The following STMND1 variants were observed in gnomAD, a reference collection of about 807,000 sequenced individuals.
The protein encoded by STMND1 is stathmin domain containing 1, also known as stathmin domain-containing protein 1.
A neutral mutation model predicts 23.0 loss-of-function variants in STMND1; 17 were observed. The ratio of observed to expected loss-of-function variants is 0.74; its 90% CI spans 0.51 to 1.11. The LOEUF (loss-of-function observed/expected upper bound fraction) is 1.11. Ranked by LOEUF, STMND1 falls within the 50% of genes least tolerant of loss-of-function variation. STMND1 has a pLI of 0.00. For missense variants in STMND1, 305 were observed against 329.1 expected, an observed-to-expected ratio of 0.93 and a Z score of 0.57; for synonymous variants, 114 against 119.9, an observed-to-expected ratio of 0.95 and a Z score of 0.32.
At position 17,113,745 on chromosome 6, in the gene STMND1, G is replaced by C. The variant is rs1291660770; in HGVS notation, c.82-1217G>C. On this transcript the variant is annotated intron_variant, in intron 1 of 4. Coordinates refer to ENST00000536551, the MANE Select transcript of STMND1 (RefSeq NM_001190766.2). The stretch of plus-strand genomic sequence containing the variant: ...AGCCTCCCAAAGTTCTGGGGTTACA[G>C]GCATGAGCCACCACATCCAGCCTGT... Among the ~76,000 whole-genome samples the C allele has an allele frequency of 2.0e-5, 3 of 151,540 alleles. No homozygotes were observed. In the East Asian group the frequency reaches 5.8e-4, roughly 29 times the overall value.
chr6:17,122,089 C>T (rs4712296), intron 3 of STMND1, among the ~76,000 whole-genome samples: 19,463 of 151,874 alleles, frequency 0.13, 1,539 homozygotes, highest in Middle Eastern at 0.27. Flanking sequence ...TGTTGAACTC[C>T]TGACCTCGTA....
chr6:17,105,138 A>G (rs1233422802), intron 1 of STMND1, among the ~76,000 whole-genome samples: 1 of 152,212 alleles, frequency 6.6e-6, no homozygotes, highest in East Asian at 1.9e-4. Flanking sequence ...TTATATGCAA[A>G]TACTACACCA....
intron 3 of STMND1, among the ~76,000 whole-genome samples, chr6:17,123,356 A>T: frequency 6.6e-6 from 1 of 152,154 alleles, no homozygotes; most frequent in East Asian, 1.9e-4. Flanking sequence ...CAGGAATAGC[A>T]CAATTTTGTT....
chr6:17,123,046 T>A (rs1362500812), intron 3 of STMND1, among the ~76,000 whole-genome samples: 1 of 152,174 alleles, frequency 6.6e-6, no homozygotes, highest in African/African-American at 2.4e-5. Context: ...TTAAGGGAAA[T>A]GCTATAGACA....
intron 1 of STMND1, chr6:17,110,593 C>T: frequency 6.4e-6 from 2 of 310,888 alleles, no homozygotes. Flanking sequence ...CATGGTGAAA[C>T]CCCGTCTCTA....
intron 3 of STMND1, among the ~76,000 whole-genome samples, chr6:17,124,254 A>G (rs1263404237): frequency 1.3e-5 from 2 of 152,250 alleles, no homozygotes; most frequent in African/African-American, 4.8e-5. Context: ...GAAAAATAGA[A>G]TAAATGTGAA....
chr6:17,113,846 C>A (rs762341297), intron 1 of STMND1, among the ~76,000 whole-genome samples: 1 of 152,152 alleles, frequency 6.6e-6, no homozygotes, highest in Non-Finnish European at 1.5e-5. Context: ...CCTCTACTCT[C>A]ACACTCAGTG....
intron 1 of STMND1, among the ~76,000 whole-genome samples, chr6:17,108,226 A>G (rs1347398007): frequency 1.3e-5 from 2 of 152,334 alleles, no homozygotes; most frequent in Non-Finnish European, 1.5e-5. Context: ...TAGCTTTGAT[A>G]ACTCAATTGT....
At chr6:17,102,632 G>A (rs532521318) in intron 1 of STMND1, among the ~76,000 whole-genome samples, 1 of 152,294 alleles carries the variant, frequency 6.6e-6, no homozygotes. Flanking sequence ...AGATTACGAA[G>A]GTGGTCACAC....
chr6:17,122,255 T>C (rs940867649), intron 3 of STMND1, among the ~76,000 whole-genome samples: 2 of 152,012 alleles, frequency 1.3e-5, no homozygotes, highest in Non-Finnish European at 2.9e-5. Context: ...CTTGTTTGTT[T>C]GGGTTTTTTT....
At chr6:17,122,849 C>CT (rs1196501326) in intron 3 of STMND1, among the ~76,000 whole-genome samples, 2 of 151,872 alleles carry the variant, frequency 1.3e-5, no homozygotes, top group African/African-American at 4.8e-5. Context: ...AGTGCCTTAT[C>CT]TTATTTGAAA....
At chr6:17,116,771 C>G (rs1483197710) in intron 2 of STMND1, among the ~76,000 whole-genome samples, 1 of 152,150 alleles carries the variant, frequency 6.6e-6, no homozygotes, top group African/African-American at 2.4e-5. Context: ...AAGTTTCACA[C>G]TAACATTCCC....
At chr6:17,126,062 ATATATATATTTTTTT>A (rs1471565503) in intron 3 of STMND1, among the ~76,000 whole-genome samples, 2 of 24,372 alleles carry the variant, frequency 8.2e-5, no homozygotes, top group African/African-American at 3.5e-4. Context: ...ATATATATAT[ATATATATATTTTTTT>A]TTTTTTTTTT....
intron 1 of STMND1, among the ~76,000 whole-genome samples, chr6:17,102,771 G>A (rs141728771): frequency 6.6e-6 from 1 of 152,234 alleles, no homozygotes; most frequent in Non-Finnish European, 1.5e-5. Context: ...TGAAAAATAG[G>A]CCCTTTGGTC....
In STMND1 at chr6:17,119,327, A is replaced by AGT. The variant is rs374022012; in HGVS notation, c.260-1266_260-1265dup. Among the ~76,000 whole-genome samples the AGT allele has an allele frequency of 4.7e-3, 710 of 151,786 alleles. 5 individuals are homozygous for AGT. Among genetic ancestry groups the AGT allele is most frequent in the African/African-American group, 0.014 (589 of 41,408 alleles). ...ATGCTGAAGTGAGAGGCATCTGATT[A>AGT]GTGTGTGTGTGTGTGCGTCTGTGTG... On this transcript the variant is annotated intron_variant, in intron 2 of 4. Coordinates refer to ENST00000536551, the MANE Select transcript of STMND1 (RefSeq NM_001190766.2).
intron 3 of STMND1, among the ~76,000 whole-genome samples, chr6:17,124,289 C>T (rs1308155688): frequency 2.0e-5 from 3 of 152,136 alleles, no homozygotes; most frequent in Non-Finnish European, 4.4e-5. Context: ...CATGCTCTAC[C>T]AGCAGAACTA....
At chr6:17,103,245 G>A (rs1393465321) in intron 1 of STMND1, among the ~76,000 whole-genome samples, 6 of 152,192 alleles carry the variant, frequency 3.9e-5, no homozygotes, top group Admixed American at 3.9e-4. Flanking sequence ...CCTGGCTGAA[G>A]CACAGCAAAC....
intron 3 of STMND1, chr6:17,128,255 C>T (rs192885601): frequency 6.6e-6 from 1 of 152,278 alleles, no homozygotes; most frequent in East Asian, 1.9e-4. Context: ...GGTAGTTGAT[C>T]ATATGAAGTG....
chr6:17,119,953 A>G (rs1314443745), intron 2 of STMND1, among the ~76,000 whole-genome samples: 2 of 152,192 alleles, frequency 1.3e-5, no homozygotes, highest in Non-Finnish European at 2.9e-5. Context: ...ATGATTTGTA[A>G]TGGGGGAGCC....
Sources: gnomAD v4.1 joint callset for allele counts (sites outside exome capture counted in the v4.1 genomes callset) on GRCh38, gnomAD v4.1.1 for gene constraint, MANE v1.5 for transcripts, NCBI Gene and HGNC (gene_info 2026-07-23, HGNC 2026-07-21) for gene names.